The following TRHDE variants were observed in gnomAD, a reference collection of about 807,000 sequenced individuals.
TRHDE encodes the protein thyrotropin releasing hormone degrading enzyme.
Under a neutral mutation model 125.7 loss-of-function variants are expected in TRHDE, and 72 were observed. That is an observed-to-expected ratio of 0.57 (90% CI 0.47 to 0.70). The LOEUF is 0.70. Among genes scored for constraint, TRHDE ranks in the 30% least tolerant of loss-of-function variants. The pLI is 0.00. For missense variants in TRHDE, 1,110 were observed against 1,327.1 expected (o/e 0.84, Z 2.54); for synonymous variants, 509 against 509.1 (o/e 1.00, Z 0.00).
At chr12:72,098,035 T>C (rs1157199531) in intron 1 of TRHDE, among the ~76,000 whole-genome samples, 1 of 151,954 alleles carries the variant, frequency 6.6e-6, no homozygotes, top group African/African-American at 2.4e-5. Flanking sequence ...CAATACTTTA[T>C]ATTTTATTTT....
chr12:72,215,907 C>T (rs1385317), intron 2 of TRHDE, among the ~76,000 whole-genome samples: 49,456 of 152,006 alleles, frequency 0.33, 8,516 homozygotes, highest in Middle Eastern at 0.38. Flanking sequence ...TGAATATGCA[C>T]TTTCGCCAAA....
chr12:72,204,777 T>C (rs1877630974), intron 2 of TRHDE, among the ~76,000 whole-genome samples: 1 of 152,232 alleles, frequency 6.6e-6, no homozygotes, highest in Admixed American at 6.5e-5. Flanking sequence ...TCGGAAACTA[T>C]ATAATGAGCT....
chr12:72,393,485 A>G (rs950851329), intron 3 of TRHDE, among the ~76,000 whole-genome samples: 3 of 152,186 alleles, frequency 2.0e-5, no homozygotes, highest in African/African-American at 7.2e-5. Context: ...AGGGGAGTGC[A>G]TAAACAAACA....
chr12:72,108,660 A>AAT (rs1160096375), intron 2 of TRHDE, among the ~76,000 whole-genome samples: 16 of 152,114 alleles, frequency 1.1e-4, no homozygotes, highest in African/African-American at 3.4e-4. Flanking sequence ...TATTTGCGAG[A>AAT]ACCTGGTGTT....
At chr12:72,342,042 TA>T (rs199606676) in intron 2 of TRHDE, among the ~76,000 whole-genome samples, 10 of 150,032 alleles carry the variant, frequency 6.7e-5, no homozygotes, top group Middle Eastern at 3.4e-3. Context: ...CAAATATGAG[TA>T]AAAAAAAAAG....
chr12:72,561,618 AT>A (rs1270624347), intron 7 of TRHDE, among the ~76,000 whole-genome samples: 2 of 152,184 alleles, frequency 1.3e-5, no homozygotes, highest in East Asian at 3.9e-4. Context: ...TCAAATATTA[AT>A]GTGTGTTTCA....
chr12:72,485,969 C>T (rs969592748), intron 5 of TRHDE, among the ~76,000 whole-genome samples: 3 of 152,160 alleles, frequency 2.0e-5, no homozygotes, highest in Admixed American at 6.5e-5. Flanking sequence ...AGAACCCATA[C>T]ATCTTAGTTC....
At chr12:72,544,396 T>C (rs1869307962) in intron 7 of TRHDE, among the ~76,000 whole-genome samples, 1 of 151,580 alleles carries the variant, frequency 6.6e-6, no homozygotes, top group South Asian at 2.1e-4. Flanking sequence ...ATCTAGGCTG[T>C]CAGCACTTAT....
chr12:72,520,515 G>A (rs919005051), intron 6 of TRHDE, among the ~76,000 whole-genome samples: 22 of 151,892 alleles, frequency 1.4e-4, no homozygotes, highest in Admixed American at 1.3e-3. Flanking sequence ...CACGGTGCGC[G>A]CACCCACTGA....
intron 3 of TRHDE, among the ~76,000 whole-genome samples, chr12:72,427,236 G>A (rs1874228570): frequency 6.6e-6 from 1 of 152,084 alleles, no homozygotes; most frequent in African/African-American, 2.4e-5. Flanking sequence ...CCTGGAGACA[G>A]AGGCTTCTTT....
intron 3 of TRHDE, among the ~76,000 whole-genome samples, chr12:72,406,037 GAGA>G (rs1788318955): frequency 1.3e-5 from 2 of 152,082 alleles, no homozygotes; most frequent in South Asian, 4.1e-4. Flanking sequence ...AAAGGAGGAG[GAGA>G]AGAAGCAGCA....
intron 2 of TRHDE, among the ~76,000 whole-genome samples, chr12:72,184,924 C>A (rs536331305): frequency 2.0e-4 from 30 of 152,326 alleles, no homozygotes; most frequent in African/African-American, 6.5e-4. Flanking sequence ...CCTGCCTGGG[C>A]TCCCACTTTG....
At chr12:72,304,739 T>C (rs1868314938) in intron 2 of TRHDE, among the ~76,000 whole-genome samples, 2 of 152,276 alleles carry the variant, frequency 1.3e-5, no homozygotes, top group South Asian at 4.1e-4. Flanking sequence ...TTTCTAGAAT[T>C]CTTTTGATTC....
chr12:72,448,973 G>T (rs1875438467), intron 3 of TRHDE, among the ~76,000 whole-genome samples: 2 of 151,906 alleles, frequency 1.3e-5, no homozygotes, highest in Admixed American at 1.3e-4. Flanking sequence ...GTTATATTCA[G>T]TCAGAGTGGA....
At chr12:72,511,828 T>C (rs914830266) in intron 6 of TRHDE, among the ~76,000 whole-genome samples, 3 of 152,168 alleles carry the variant, frequency 2.0e-5, no homozygotes, top group Admixed American at 2.0e-4. Flanking sequence ...TATGTCCATC[T>C]CTGATTTGGC....
chr12:72,180,910 T>C (rs1877083987), intron 2 of TRHDE, among the ~76,000 whole-genome samples: 1 of 152,164 alleles, frequency 6.6e-6, no homozygotes, highest in African/African-American at 2.4e-5. Flanking sequence ...TCCTGTTATG[T>C]GAGCAAAATG....
chr12:72,324,529 C>G (rs949993268), intron 2 of TRHDE, among the ~76,000 whole-genome samples: 1 of 152,030 alleles, frequency 6.6e-6, no homozygotes, highest in Non-Finnish European at 1.5e-5. Context: ...CTGAATATTC[C>G]TCTTGGTAAA....
At chr12:72,175,482 A>G (rs918526085) in intron 2 of TRHDE, among the ~76,000 whole-genome samples, 2 of 152,184 alleles carry the variant, frequency 1.3e-5, no homozygotes, top group South Asian at 4.1e-4. Context: ...ATATCACTGG[A>G]AAGACTCCCT....
chr12:72,163,700 A>C (rs1392948226), intron 2 of TRHDE, among the ~76,000 whole-genome samples: 1 of 152,218 alleles, frequency 6.6e-6, no homozygotes, highest in African/African-American at 2.4e-5. Context: ...TGGCGGCTTA[A>C]GCTAAATGAA....
Sources: gnomAD v4.1 joint callset for allele counts (sites outside exome capture counted in the v4.1 genomes callset) on GRCh38, gnomAD v4.1.1 for gene constraint, MANE v1.5 for transcripts, NCBI Gene and HGNC (gene_info 2026-07-23, HGNC 2026-07-21) for gene names.